The following CHN2 variants were observed in gnomAD, a reference collection of about 807,000 sequenced individuals.
CHN2 encodes beta-chimaerin.
Under a neutral mutation model 56.3 loss-of-function variants are expected in CHN2, and 35 were observed. That is an observed-to-expected ratio of 0.62 (90% CI 0.47 to 0.82). The LOEUF is 0.82. Among genes scored for constraint, CHN2 ranks in the 40% least tolerant of loss-of-function variants. CHN2 has a pLI of 0.00. For missense variants in CHN2, 491 were observed against 580.5 expected, an observed-to-expected ratio of 0.85 and a Z score of 1.58; for synonymous variants, 210 against 212.8, an observed-to-expected ratio of 0.99 and a Z score of 0.12.
chr7:29,212,878 C>T, intron 1 of CHN2: 3 of 1,610,690 alleles, frequency 1.9e-6, no homozygotes, highest in Non-Finnish European at 1.7e-6. Flanking sequence ...TGGGAACCTT[C>T]CAATGTGGAG....
chr7:29,170,784 G>A (rs1796498988), intron 2 of CHN2, among the ~76,000 whole-genome samples: 1 of 152,150 alleles, frequency 6.6e-6, no homozygotes, highest in Admixed American at 6.5e-5. Context: ...ATGGCTGGTG[G>A]GGGGGCCTCA....
At chr7:29,218,819 GA>G (rs2128789417) in intron 1 of CHN2, among the ~76,000 whole-genome samples, 1 of 120,738 alleles carries the variant, frequency 8.3e-6, no homozygotes, top group Non-Finnish European at 1.6e-5. Context: ...GGGGGGAGAG[GA>G]GAGGGATAGC....
At chr7:29,471,847 C>T (rs1453804946) in intron 6 of CHN2, among the ~76,000 whole-genome samples, 2 of 152,116 alleles carry the variant, frequency 1.3e-5, no homozygotes, top group Non-Finnish European at 2.9e-5. Context: ...TGAACTAGCC[C>T]AATTGCAGGA....
At chr7:29,498,226 T>G (rs1789509510) in intron 8 of CHN2, among the ~76,000 whole-genome samples, 1 of 152,252 alleles carries the variant, frequency 6.6e-6, no homozygotes, top group Admixed American at 6.5e-5. Flanking sequence ...TTTCAGACAC[T>G]ATGCTAAACA....
At chr7:29,361,104 C>G (rs1023464425) in intron 2 of CHN2, among the ~76,000 whole-genome samples, 16 of 152,176 alleles carry the variant, frequency 1.1e-4, no homozygotes, top group Admixed American at 8.5e-4. Flanking sequence ...AGAAGTAATT[C>G]CATCACGTCA....
At chr7:29,231,045 T>C (rs1240126274) in intron 1 of CHN2, among the ~76,000 whole-genome samples, 2 of 152,218 alleles carry the variant, frequency 1.3e-5, no homozygotes, top group Non-Finnish European at 2.9e-5. Context: ...TTCATAAACC[T>C]TTTTTCCAGC....
At chr7:29,424,381 A>C (rs1485103949) in intron 6 of CHN2, among the ~76,000 whole-genome samples, 1 of 152,138 alleles carries the variant, frequency 6.6e-6, no homozygotes, top group Non-Finnish European at 1.5e-5. Context: ...CTATTAAACC[A>C]GGACATCTTC....
At chr7:29,375,190 C>CTTTT (rs70980534) in intron 3 of CHN2, among the ~76,000 whole-genome samples, 1 of 77,930 alleles carries the variant, frequency 1.3e-5, no homozygotes, top group Non-Finnish European at 2.3e-5. Flanking sequence ...GTGCTCGGCC[C>CTTTT]TTTTTTTTTT....
At chr7:29,160,216 GC>G (rs1267222487) in intron 2 of CHN2, among the ~76,000 whole-genome samples, 1 of 152,096 alleles carries the variant, frequency 6.6e-6, no homozygotes, top group Non-Finnish European at 1.5e-5. Flanking sequence ...ATATGTACTG[GC>G]CACCCACAGT....
chr7:29,423,628 G>A (rs1203236349), intron 6 of CHN2, among the ~76,000 whole-genome samples: 3 of 152,240 alleles, frequency 2.0e-5, no homozygotes, highest in Admixed American at 2.0e-4. Context: ...GTGGAAAGTA[G>A]CCACTTTATT....
chr7:29,163,146 A>C (rs1044821611), intron 2 of CHN2, among the ~76,000 whole-genome samples: 1 of 152,154 alleles, frequency 6.6e-6, no homozygotes, highest in Non-Finnish European at 1.5e-5. Context: ...AAAAATTAAA[A>C]AAAGATACTC....
chr7:29,346,151 G>A (rs1287899991), intron 1 of CHN2, among the ~76,000 whole-genome samples: 1 of 152,178 alleles, frequency 6.6e-6, no homozygotes, highest in African/African-American at 2.4e-5. Context: ...ATGACCTCCA[G>A]GTAGTCTCGC....
At chr7:29,151,147 C>T (rs1339897962) in intron 2 of CHN2, among the ~76,000 whole-genome samples, 1 of 152,150 alleles carries the variant, frequency 6.6e-6, no homozygotes, top group African/African-American at 2.4e-5. Context: ...GAAGGGGCAC[C>T]TCCTAAGACT....
chr7:29,240,172 A>G (rs1275691695), intron 1 of CHN2, among the ~76,000 whole-genome samples: 3 of 152,046 alleles, frequency 2.0e-5, no homozygotes, highest in Non-Finnish European at 4.4e-5. Context: ...TGAGGCCATG[A>G]ACCACCACAC....
At chr7:29,337,281 A>G (rs1259150635) in intron 1 of CHN2, among the ~76,000 whole-genome samples, 3 of 152,222 alleles carry the variant, frequency 2.0e-5, no homozygotes, top group Non-Finnish European at 2.9e-5. Flanking sequence ...ACAGCTTCAG[A>G]CAGGAGCTAA....
rs190831383 is a variant in CHN2 at position 29,261,609 on chromosome 7, T to G, written c.49+66619T>G. ...TTTAGGACTTTGCCTTATACTGGAA[T>G]CCTTACAAAGGTCTTTTGCCTTAAC... On this transcript the variant is annotated intron_variant, in intron 1 of 12. Coordinates refer to ENST00000222792, the MANE Select transcript of CHN2 (RefSeq NM_004067.4). Among the ~76,000 whole-genome samples, 4 of 152,358 alleles carry G rather than the reference T, an allele frequency of 2.6e-5. No homozygotes were observed. The East Asian group carries it at 7.7e-4, about 29-fold the overall frequency.
chr7:29,442,419 G>T (rs1374245261), intron 6 of CHN2, among the ~76,000 whole-genome samples: 1 of 152,148 alleles, frequency 6.6e-6, no homozygotes, highest in Non-Finnish European at 1.5e-5. Flanking sequence ...AGCCTGATCT[G>T]CATGGACACC....
At chr7:29,262,144 G>C (rs1044939029) in intron 1 of CHN2, among the ~76,000 whole-genome samples, 7 of 152,112 alleles carry the variant, frequency 4.6e-5, no homozygotes, top group Admixed American at 3.3e-4. Flanking sequence ...TTCCAGCCTG[G>C]GTGACAGAGC....
chr7:29,476,565 A>ATT (rs1373508263), intron 6 of CHN2, among the ~76,000 whole-genome samples: 4 of 151,350 alleles, frequency 2.6e-5, no homozygotes, highest in African/African-American at 9.7e-5. Flanking sequence ...AAAAATTAAA[A>ATT]AAAAAAAATA....
Sources: gnomAD v4.1 joint callset for allele counts (sites outside exome capture counted in the v4.1 genomes callset) on GRCh38, gnomAD v4.1.1 for gene constraint, MANE v1.5 for transcripts, NCBI Gene and HGNC (gene_info 2026-07-23, HGNC 2026-07-21) for gene names.